The following HAVCR1 variants were observed in gnomAD, a reference collection of about 807,000 sequenced individuals.
HAVCR1 encodes T cell immunoglobin domain and mucin domain protein 1.
A neutral mutation model predicts 32.0 loss-of-function variants in HAVCR1; 34 were observed. The ratio of observed to expected loss-of-function variants is 1.06; its 90% CI spans 0.81 to 1.42. The LOEUF (loss-of-function observed/expected upper bound fraction) is 1.42, where lower values mean the gene tolerates loss of function less well. HAVCR1 is among the 40% of genes most tolerant of loss of function. The pLI, the probability that HAVCR1 is intolerant of heterozygous loss-of-function variation, is 0.00. For missense variants in HAVCR1, 420 were observed against 442.3 expected (o/e 0.95, Z 0.45); for synonymous variants, 178 against 170.3 (o/e 1.05, Z -0.35).
In HAVCR1 at chr5:157,044,674, A is replaced by AGGG. The variant is rs1372973651; in HGVS notation, c.782-1993_782-1992insCCC. Among the ~76,000 whole-genome samples, 46 of 81,526 alleles carry AGGG rather than the reference A, an allele frequency of 5.6e-4. 1 individual carries two copies. Among genetic ancestry groups the AGGG allele is most frequent in the East Asian group, 1.7e-3 (2 of 1,146 alleles). 53.5% of individuals were successfully genotyped at this position (81,526 alleles called of 152,430 possible). A position where few individuals can be genotyped will look rare whatever the true frequency, so the allele number is the denominator to read the frequency against. On this transcript the variant is annotated intron_variant, in intron 5 of 8. Transcript: ENST00000523175. ...GAAAGAAAGAAAGAAAGAAAGAAAG[A>AGGG]AAGGAGGGAGGGAGGAAGGAAGGAA...
At position 157,049,112 on chromosome 5, in the gene HAVCR1, T is replaced by A. The variant is rs369544979; in HGVS notation, c.707A>T (p.Glu236Val). 35 of 1,612,866 alleles carry A rather than the reference T, an allele frequency of 2.2e-5. No homozygotes were observed. The African/African-American group carries it at 4.5e-4, about 21-fold the overall frequency. ...TCCCTGCAGTGTCGTAGGGTGGGTT[T>A]CTGCTGGCTGAGGTGAAGATGGTGA... ...ATSPSSPQPA[E>V]THPTTLQGAI... Residue 236 changes from glutamate (E) to valine (V), a missense_variant, in exon 5 of 9, where the codon GAA becomes GTA. By Grantham distance (121) the Glu-to-Val change is moderately radical (BLOSUM62 -2). Transcript: ENST00000523175.
intron 6 of HAVCR1, among the ~76,000 whole-genome samples, chr5:157,037,588 C>T (rs1193158820): frequency 6.6e-6 from 1 of 152,132 alleles, no homozygotes; most frequent in Non-Finnish European, 1.5e-5. Flanking sequence ...TTCTAGCTTG[C>T]TTGAGGTTGT....
intron 6 of HAVCR1, among the ~76,000 whole-genome samples, chr5:157,039,356 G>A (rs1337792142): frequency 6.6e-6 from 1 of 152,036 alleles, no homozygotes. Flanking sequence ...GTCAGTAAAT[G>A]CACTGCAATG....
intron 7 of HAVCR1, 159 bp downstream of exon 7, chr5:157,037,088 G>A: frequency 3.2e-6 from 2 of 634,814 alleles, no homozygotes; most frequent in South Asian, 3.7e-5. Context: ...CTTCCCCCTT[G>A]AGGTAGATGG....
intron 5 of HAVCR1, among the ~76,000 whole-genome samples, chr5:157,047,910 G>T (rs1315971554): frequency 6.6e-6 from 1 of 152,136 alleles, no homozygotes; most frequent in Non-Finnish European, 1.5e-5. Flanking sequence ...TTACCTGTGG[G>T]ATATGACCCT....
upstream of HAVCR1, among the ~76,000 whole-genome samples, chr5:157,061,012 C>T (rs1756478710): frequency 6.6e-6 from 1 of 152,064 alleles, no homozygotes; most frequent in African/African-American, 2.4e-5. Flanking sequence ...ATTCTCTTGC[C>T]ACAGTCTCCT....
intron 3 of HAVCR1, 137 bp downstream of exon 3, chr5:157,055,064 A>T: frequency 1.8e-6 from 1 of 565,946 alleles, no homozygotes; most frequent in Non-Finnish European, 3.1e-6. Flanking sequence ...CACAAAAGTT[A>T]TTCTATTTCC....
rs572704839 is a variant in HAVCR1, at chr5:157,049,978, C to T, written c.674-833G>A. Among the ~76,000 whole-genome samples the T allele has an allele frequency of 3.3e-5, 5 of 152,304 alleles. No homozygotes were observed. The South Asian group carries it at 1.0e-3, about 32-fold the overall frequency. On this transcript the variant is annotated intron_variant, in intron 4 of 8. Coordinates refer to ENST00000523175, the MANE Select transcript of HAVCR1 (RefSeq NM_001173393.3). ...CTCACCTTATTTGCAAAGTTGATCA[C>T]TTGCCTCTTCACAAAGCATTTACAT...
At chr5:157,035,054 AAAAG>A (rs1054569827) in intron 7 of HAVCR1, among the ~76,000 whole-genome samples, 8 of 152,174 alleles carry the variant, frequency 5.3e-5, no homozygotes, top group African/African-American at 1.7e-4. Flanking sequence ...TCTCCAAAAA[AAAAG>A]AAAGAAAAGG....
intron 5 of HAVCR1, among the ~76,000 whole-genome samples, chr5:157,043,497 T>G (rs1368044645): frequency 6.6e-6 from 1 of 152,016 alleles, no homozygotes; most frequent in African/African-American, 2.4e-5. Flanking sequence ...TGAAATCCCA[T>G]CTCTAACAAA....
In HAVCR1 at chr5:157,056,427, T is replaced by G. The variant is rs1405424731; in HGVS notation, c.47-894A>C. 1.1e-4 allele frequency among the ~76,000 whole-genome samples: 17 copies of G among 150,658 alleles called. No individual in the cohort carries two copies. In the Admixed American group the frequency reaches 1.1e-3, roughly 10 times the overall value. ...CAGAGTCTTGCTCTGTCGCCCAGGC[T>G]GGAGTGCAGTGGTGTGATCTCGGCT... is the stretch of plus-strand genomic sequence containing the variant. On this transcript the variant is annotated intron_variant, in intron 2 of 8. Coordinates refer to ENST00000523175, the MANE Select transcript of HAVCR1 (RefSeq NM_001173393.3).
At chr5:157,056,397 T>G (rs74919119) in intron 2 of HAVCR1, among the ~76,000 whole-genome samples, 2 of 141,092 alleles carry the variant, frequency 1.4e-5, no homozygotes, top group African/African-American at 5.1e-5. Flanking sequence ...TTTTTTTTTT[T>G]GAGACAGAGT....
chr5:157,056,948 A>G (rs998216824), intron 2 of HAVCR1, among the ~76,000 whole-genome samples: 1 of 152,126 alleles, frequency 6.6e-6, no homozygotes, highest in African/African-American at 2.4e-5. Context: ...GCTAACGCCT[A>G]TAATCCCAGC....
chr5:157,046,592 T>G (rs1008808371), intron 5 of HAVCR1, among the ~76,000 whole-genome samples: 1 of 152,208 alleles, frequency 6.6e-6, no homozygotes, highest in Non-Finnish European at 1.5e-5. Flanking sequence ...CAGGCTGCTA[T>G]GATAAGATAG....
intron 8 of HAVCR1, among the ~76,000 whole-genome samples, chr5:157,032,587 C>T (rs555511879): frequency 5.9e-5 from 9 of 152,320 alleles, no homozygotes; most frequent in Middle Eastern, 3.4e-3. Flanking sequence ...TTACTTCCAT[C>T]GAGCAAATCT....
intron 4 of HAVCR1, among the ~76,000 whole-genome samples, chr5:157,050,329 G>A (rs1398165890): frequency 6.6e-6 from 1 of 152,066 alleles, no homozygotes; most frequent in Non-Finnish European, 1.5e-5. Flanking sequence ...CCTAAGTTTG[G>A]GTCCTTATGG....
intron 5 of HAVCR1, among the ~76,000 whole-genome samples, chr5:157,044,627 A>AAGAAAGAAG (rs1755227100): frequency 3.2e-5 from 2 of 61,594 alleles, no homozygotes; most frequent in South Asian, 1.5e-3. Context: ...GAAAGAAAGA[A>AAGAAAGAAG]AGAAAGAAAG....
Position 157,055,225 on chromosome 5 carries a change from T to C in HAVCR1, c.355A>G (p.Thr119Ala). ...HRGWFNDMKI[T>A]VSLEIVPPKV... ...CGTGGCACAATCTCCAATGATACGG[T>C]GATTTTCATGTCATTGAACCACCCA... The change falls in exon 3 of 9, where the codon ACC becomes GCC. Residue 119 changes from threonine to alanine, a missense_variant. Physicochemically the swap from Thr to Ala is moderately conservative, Grantham distance 58. Transcript: ENST00000523175. 1 of 1,560,190 alleles carries C rather than the reference T, an allele frequency of 6.4e-7. No homozygotes were observed. Among genetic ancestry groups the C allele is most frequent in the Non-Finnish European group, 8.8e-7 (1 of 1,139,990 alleles).
intron 7 of HAVCR1, among the ~76,000 whole-genome samples, chr5:157,036,631 T>C (rs2113502078): frequency 6.6e-6 from 1 of 152,364 alleles, no homozygotes; most frequent in Middle Eastern, 3.4e-3. Context: ...TCTTTCTAAC[T>C]ACAATTACAG....
Sources: allele counts gnomAD v4.1 joint callset (sites outside exome capture counted in the v4.1 genomes callset), GRCh38; gene constraint gnomAD v4.1.1; transcripts MANE v1.5; gene names NCBI Gene and HGNC (gene_info 2026-07-23, HGNC 2026-07-21).